Variants in TANC2 observed in about 807,000 individuals in gnomAD.
The protein encoded by TANC2 is tetratricopeptide repeat, ankyrin repeat and coiled-coil containing 2, also known as protein TANC2.
In TANC2, 26 loss-of-function variants were observed where a neutral mutation model predicts 210.5. That is an observed-to-expected ratio of 0.12 (90% CI 0.09 to 0.17). TANC2 has a LOEUF of 0.17. Ranked by LOEUF, TANC2 falls within the 10% of genes least tolerant of loss-of-function variation. The pLI is 1.00. For synonymous variants in TANC2, 931 were observed against 967.1 expected (o/e 0.96, Z 0.69); for missense variants, 2,129 against 2,608.9 (o/e 0.82, Z 4.01).
At chr17:62,997,822 A>G (rs1568305318) in intron 1 of TANC2, among the ~76,000 whole-genome samples, 1 of 152,218 alleles carries the variant, frequency 6.6e-6, no homozygotes, top group East Asian at 1.9e-4. Flanking sequence ...GTCAAAAATA[A>G]GAATAAGCCA....
chr17:63,369,615 A>G (rs912399446), intron 14 of TANC2, among the ~76,000 whole-genome samples: 1 of 144,152 alleles, frequency 6.9e-6, no homozygotes, highest in Non-Finnish European at 1.5e-5. Context: ...GTGCAGTGGC[A>G]TGATCTCAGC....
At chr17:63,219,147 C>T (rs535862323) in intron 7 of TANC2, among the ~76,000 whole-genome samples, 1 of 152,278 alleles carries the variant, frequency 6.6e-6, no homozygotes, top group Non-Finnish European at 1.5e-5. Context: ...TCAAAGATCA[C>T]AGTACTCCAT....
chr17:63,120,344 G>T (rs1320635001), intron 4 of TANC2, among the ~76,000 whole-genome samples: 1 of 152,028 alleles, frequency 6.6e-6, no homozygotes, highest in Non-Finnish European at 1.5e-5. Context: ...GAATCTGTAT[G>T]TATGTTAGGT....
Position 63,421,582 on chromosome 17 carries a change from C to G in TANC2, c.5852C>G (p.Thr1951Ser). The stretch of plus-strand genomic sequence containing the variant: ...CCCCACCTCCACCAGCAGAATCGGA[C>G]CTGGGCAGTGTCATCTGTGGACACC... The change falls in exon 28 of 28, where the codon ACC (threonine) becomes AGC (serine). Residue 1951 changes from threonine (T) to serine (S), a missense_variant. This residue lies in a region of TANC2 where 161 missense variants were observed against 178.6 expected (regional missense o/e 0.90). Transcript: ENST00000689528. This position sits in a 1 kb window ranked among gnomAD's most constrained non-coding sequence, Gnocchi z 6.9. 4 of 1,613,960 alleles carry G rather than the reference C, an allele frequency of 2.5e-6. No homozygotes were observed. Among genetic ancestry groups the G allele is most frequent in the Non-Finnish European group, 3.4e-6 (4 of 1,179,862 alleles).
chr17:63,320,350 A>G (rs1280273991), intron 11 of TANC2: 1 of 152,156 alleles, frequency 6.6e-6, no homozygotes, highest in Non-Finnish European at 1.5e-5. Flanking sequence ...CATCGAGCTC[A>G]GTCTGGACCT....
At chr17:63,328,018 T>C (rs1406827111) in intron 11 of TANC2, among the ~76,000 whole-genome samples, 1 of 152,174 alleles carries the variant, frequency 6.6e-6, no homozygotes, top group South Asian at 2.1e-4. Flanking sequence ...AGTGAGAACA[T>C]GCGGTGTTTG....
At chr17:62,989,929 C>T (rs1050393830) in intron 1 of TANC2, among the ~76,000 whole-genome samples, 2 of 151,848 alleles carry the variant, frequency 1.3e-5, no homozygotes, top group African/African-American at 4.8e-5. Flanking sequence ...CACCGCCACA[C>T]CTGGCTAATT....
chr17:63,256,278 G>A (rs544429212), intron 8 of TANC2, among the ~76,000 whole-genome samples: 1 of 152,172 alleles, frequency 6.6e-6, no homozygotes, highest in Non-Finnish European at 1.5e-5. Flanking sequence ...GTATCCTATA[G>A]GTGTTCCATA....
chr17:63,104,535 T>A (rs2037750724), intron 4 of TANC2, among the ~76,000 whole-genome samples: 1 of 152,206 alleles, frequency 6.6e-6, no homozygotes, highest in Non-Finnish European at 1.5e-5. Flanking sequence ...GGAGTTTGTT[T>A]TACAAATAAG....
chr17:63,175,532 CCAAAA>C (rs2040548296), intron 5 of TANC2, among the ~76,000 whole-genome samples: 3 of 82,702 alleles, frequency 3.6e-5, no homozygotes, highest in Non-Finnish European at 6.9e-5. Flanking sequence ...GTCTCCCCCG[CCAAAA>C]AAAAAAAAAA....
At chr17:63,002,542 T>C (rs558285900) in intron 1 of TANC2, among the ~76,000 whole-genome samples, 1 of 152,340 alleles carries the variant, frequency 6.6e-6, no homozygotes, top group Non-Finnish European at 1.5e-5. Context: ...TATCATTAAG[T>C]GGATTTTAGC....
At chr17:63,372,893 C>CTTTTTTTTT (rs753800050) in intron 14 of TANC2, among the ~76,000 whole-genome samples, 2 of 115,924 alleles carry the variant, frequency 1.7e-5, no homozygotes, top group Non-Finnish European at 3.3e-5. Context: ...TGATTACCAT[C>CTTTTTTTTT]TTTTTTTTTT....
intron 3 of TANC2, among the ~76,000 whole-genome samples, chr17:63,094,415 T>C (rs1351359165): frequency 1.3e-5 from 2 of 152,208 alleles, no homozygotes; most frequent in Non-Finnish European, 2.9e-5. Context: ...CCATGCTATA[T>C]ATTTTTTTCC....
intron 7 of TANC2, among the ~76,000 whole-genome samples, chr17:63,229,326 C>T (rs2042409229): frequency 6.6e-6 from 1 of 152,126 alleles, no homozygotes; most frequent in Non-Finnish European, 1.5e-5. Flanking sequence ...ATTGGTTTGC[C>T]AGTATTTTTT....
chr17:63,100,495 C>T (rs964711675), intron 4 of TANC2, among the ~76,000 whole-genome samples: 1 of 151,948 alleles, frequency 6.6e-6, no homozygotes, highest in African/African-American at 2.4e-5. Context: ...CCTGAAATAC[C>T]AGTTCCCTTC....
rs190038672 is a variant in TANC2, at chr17:63,061,164, C to T, written c.68-12779C>T. ...GGCGGATCACCTGAGGTCAGGAGTT[C>T]GAGACCAGCCTGACCAACATGGTGA... On this transcript the variant is annotated intron_variant, in intron 2 of 27. Coordinates refer to ENST00000689528, the Ensembl canonical transcript of TANC2. Among the ~76,000 whole-genome samples, 144 of 152,122 alleles carry T rather than the reference C, an allele frequency of 9.5e-4. No homozygotes were observed. The East Asian group carries it at 0.013, about 14-fold the overall frequency.
chr17:63,278,187 A>G (rs983818384), intron 9 of TANC2, among the ~76,000 whole-genome samples: 1 of 152,134 alleles, frequency 6.6e-6, no homozygotes, highest in Non-Finnish European at 1.5e-5. Context: ...CAACAGAGTA[A>G]CAAGGCAATC....
chr17:63,400,708 A>G (rs781168248), intron 19 of TANC2, among the ~76,000 whole-genome samples: 36 of 152,080 alleles, frequency 2.4e-4, no homozygotes, highest in Admixed American at 1.6e-3. Flanking sequence ...CAGTGACACA[A>G]TCTCGGCTCA....
intron 8 of TANC2, among the ~76,000 whole-genome samples, chr17:63,258,538 A>G (rs763078562): frequency 1.3e-5 from 2 of 151,884 alleles, no homozygotes; most frequent in Non-Finnish European, 2.9e-5. Context: ...ATACTAGTGC[A>G]GTGGAGCGGG....
Sources: gnomAD v4.1 joint callset for allele counts (sites outside exome capture counted in the v4.1 genomes callset) on GRCh38, gnomAD v4.1.1 for gene constraint, gnomAD v4.1.1 regional missense constraint, Gnocchi (gnomAD v3.1) non-coding constraint, MANE v1.5 for transcripts, NCBI Gene and HGNC (gene_info 2026-07-23, HGNC 2026-07-21) for gene names.